Variants in SOX5 observed in about 807,000 individuals in gnomAD.
SOX5 encodes SRY-box transcription factor 5.
SOX5 carries 9 observed loss-of-function variants against 92.0 expected under a neutral mutation model. The ratio of observed to expected loss-of-function variants is 0.10; its 90% CI spans 0.06 to 0.17. The LOEUF (loss-of-function observed/expected upper bound fraction) is 0.17, where lower values mean the gene tolerates loss of function less well. Among genes scored for constraint, SOX5 ranks in the 10% least tolerant of loss-of-function variants. The pLI is 1.00. For missense variants in SOX5, 642 were observed against 944.5 expected (o/e 0.68, Z 4.20); for synonymous variants, 344 against 336.3 (o/e 1.02, Z -0.25).
At chr12:24,185,314 T>C (rs563994507) in intron 4 of SOX5, among the ~76,000 whole-genome samples, 5 of 152,266 alleles carry the variant, frequency 3.3e-5, no homozygotes, top group Admixed American at 2.6e-4. Flanking sequence ...TATAGGATTC[T>C]GAGTTCCACC....
intron 8 of SOX5, among the ~76,000 whole-genome samples, chr12:23,608,108 GAAAAAAGAAAAAA>G (rs2075479395): frequency 1.8e-4 from 1 of 5,676 alleles, no homozygotes; most frequent in African/African-American, 2.6e-4. Flanking sequence ...TGTCTCAAAA[GAAAAAAGAAAAAA>G]AAAAAAAAAA....
At chr12:24,483,212 T>C (rs1254772055) in intron 1 of SOX5, among the ~76,000 whole-genome samples, 1 of 152,174 alleles carries the variant, frequency 6.6e-6, no homozygotes, top group African/African-American at 2.4e-5. Flanking sequence ...AAGAAAACTG[T>C]GTTTTGAAGA....
chr12:23,570,755 A>G (rs1948037583), intron 10 of SOX5, among the ~76,000 whole-genome samples: 1 of 150,690 alleles, frequency 6.6e-6, no homozygotes, highest in Non-Finnish European at 1.5e-5. Flanking sequence ...ATAAAAATTC[A>G]AAAAAATTAG....
chr12:24,086,163 T>C (rs754559962), intron 4 of SOX5, among the ~76,000 whole-genome samples: 2 of 151,924 alleles, frequency 1.3e-5, no homozygotes, highest in Non-Finnish European at 2.9e-5. Context: ...GCAAACACAA[T>C]TTGGCTGTTA....
At chr12:23,813,207 C>T (rs1427440499) in intron 3 of SOX5, among the ~76,000 whole-genome samples, 3 of 152,114 alleles carry the variant, frequency 2.0e-5, no homozygotes, top group Non-Finnish European at 4.4e-5. Flanking sequence ...TTCTTTCCTG[C>T]TTTTTATTTC....
intron 2 of SOX5, among the ~76,000 whole-genome samples, chr12:24,330,441 G>C (rs1951177118): frequency 6.6e-6 from 1 of 152,216 alleles, no homozygotes. Context: ...GTGACAGAGA[G>C]AGAGGAAAAT....
At chr12:24,246,273 C>T (rs1938688096) in intron 3 of SOX5, among the ~76,000 whole-genome samples, 1 of 148,436 alleles carries the variant, frequency 6.7e-6, no homozygotes, top group South Asian at 2.1e-4. Context: ...TCTCAAATTA[C>T]AGACACAGAT....
intron 1 of SOX5, among the ~76,000 whole-genome samples, chr12:23,931,336 G>A (rs1231037865): frequency 6.6e-6 from 1 of 151,662 alleles, no homozygotes; most frequent in Non-Finnish European, 1.5e-5. Flanking sequence ...TACATATGAG[G>A]AAGATGGAAT....
intron 4 of SOX5, among the ~76,000 whole-genome samples, chr12:24,202,268 G>T (rs1957594904): frequency 6.6e-6 from 1 of 152,082 alleles, no homozygotes. Flanking sequence ...CTTTTATATA[G>T]CAATGGATAA....
At chr12:23,910,743 G>T (rs993035437) in intron 1 of SOX5, among the ~76,000 whole-genome samples, 2 of 152,022 alleles carry the variant, frequency 1.3e-5, no homozygotes, top group East Asian at 1.9e-4. Flanking sequence ...AGTCTTCTTC[G>T]TACTGTCCTG....
At chr12:23,904,039 AT>A (rs950321096) in intron 1 of SOX5, among the ~76,000 whole-genome samples, 3 of 152,206 alleles carry the variant, frequency 2.0e-5, no homozygotes, top group African/African-American at 7.2e-5. Context: ...AATTTCAATT[AT>A]TATTATATCT....
chr12:23,864,929 G>C (rs1340139977), intron 2 of SOX5, among the ~76,000 whole-genome samples: 1 of 152,166 alleles, frequency 6.6e-6, no homozygotes, highest in Non-Finnish European at 1.5e-5. Context: ...CACCATCTAA[G>C]ACTTTCATAG....
intron 11 of SOX5, among the ~76,000 whole-genome samples, chr12:23,558,860 C>T (rs1041537983): frequency 2.0e-4 from 30 of 152,206 alleles, no homozygotes; most frequent in Middle Eastern, 3.2e-3. Context: ...GCCTCAGCCT[C>T]CCAAAGTGCT....
chr12:23,757,134 T>TA (rs888195151), intron 3 of SOX5, among the ~76,000 whole-genome samples: 2 of 151,946 alleles, frequency 1.3e-5, no homozygotes, highest in African/African-American at 4.8e-5. Flanking sequence ...TATGTATACA[T>TA]ATATACATAT....
chr12:23,560,939 TC>T (rs2136312006), intron 11 of SOX5, among the ~76,000 whole-genome samples: 1 of 152,330 alleles, frequency 6.6e-6, no homozygotes, highest in East Asian at 1.9e-4. Flanking sequence ...GATTGAGGTT[TC>T]CTTTTATATT....
intron 4 of SOX5, among the ~76,000 whole-genome samples, chr12:24,187,678 A>T (rs1956148934): frequency 6.6e-6 from 1 of 152,140 alleles, no homozygotes. Flanking sequence ...ACCCCTTCCT[A>T]ACATGTTCTT....
At chr12:23,730,161 T>C (rs1054829776) in intron 6 of SOX5, among the ~76,000 whole-genome samples, 1 of 151,136 alleles carries the variant, frequency 6.6e-6, no homozygotes, top group African/African-American at 2.4e-5. Flanking sequence ...AAAAAGAAAA[T>C]AGGAAATAAA....
In SOX5 at chr12:24,106,823, AT is replaced by A. The variant is rs1422233138; in HGVS notation, c.-2+106519del. The stretch of plus-strand genomic sequence containing the variant: ...AATAATAATAATAATAATAATAATA[AT>A]AATAATAATAATAATAAATAGAAGC... On this transcript the variant is annotated intron_variant, in intron 4 of 4. Coordinates refer to the SOX5 transcript ENST00000446891. Among the ~76,000 whole-genome samples, 28 of 147,732 alleles carry A rather than the reference AT, an allele frequency of 1.9e-4. No individual in the cohort carries two copies. The Admixed American group carries it at 1.9e-3, about 10-fold the overall frequency.
chr12:23,791,163 C>T (rs1594466234), intron 3 of SOX5, among the ~76,000 whole-genome samples: 1 of 152,142 alleles, frequency 6.6e-6, no homozygotes, highest in Non-Finnish European at 1.5e-5. Flanking sequence ...TAGAAGATGA[C>T]AGGACTCAAG....
Sources: allele counts gnomAD v4.1 joint callset (sites outside exome capture counted in the v4.1 genomes callset), GRCh38; gene constraint gnomAD v4.1.1; transcripts MANE v1.5; gene names NCBI Gene and HGNC (gene_info 2026-07-23, HGNC 2026-07-21).